Variants in CIB4 observed in about 807,000 individuals in gnomAD.
The protein encoded by CIB4 is calcium and integrin binding family member 4.
A neutral mutation model predicts 25.8 loss-of-function variants in CIB4; 25 were observed. The observed-to-expected ratio is 0.97, with a 90% CI of 0.71 to 1.35. The LOEUF is 1.35. CIB4 is among the 40% of genes most tolerant of loss of function. CIB4 has a pLI of 0.00. For missense variants in CIB4, 235 were observed against 228.2 expected (o/e 1.03, Z -0.19); for synonymous variants, 75 against 81.4 (o/e 0.92, Z 0.42).
chr2:26,616,842 G>A (rs143697260), intron 3 of CIB4, among the ~76,000 whole-genome samples: 63 of 152,288 alleles, frequency 4.1e-4, no homozygotes, highest in African/African-American at 1.4e-3. Flanking sequence ...TTATCTTCCC[G>A]AGAAGATGAA....
intron 4 of CIB4, among the ~76,000 whole-genome samples, chr2:26,593,951 G>A (rs1668634184): frequency 6.6e-6 from 1 of 152,204 alleles, no homozygotes; most frequent in South Asian, 2.1e-4. Context: ...TAGGGGCTGT[G>A]TGTGCCCCAA....
Position 26,595,030 on chromosome 2 carries a change from T to C in CIB4, c.328+146A>G, listed in dbSNP as rs1317702227. Reference sequence around the variant, plus strand: ...TCAATCTTTTTTTTTTATTCCATGGTACATGCAAAATATGACACAGACCCA... The same window carrying C: ...TCAATCTTTTTTTTTTATTCCATGGCACATGCAAAATATGACACAGACCCA... On this transcript the variant is annotated intron_variant, in intron 4 of 6. Transcript: ENST00000288861. 1.8e-5 allele frequency: 13 copies of C among 710,856 alleles called. No individual in the cohort carries two copies. In the East Asian group the frequency reaches 3.0e-4, roughly 17 times the overall value. The allele number at this position is 710,856 out of a possible 1,614,324, so 44.0% of individuals were successfully genotyped here.
Position 26,622,098 on chromosome 2 carries a change from C to G in CIB4, c.186+7312G>C, listed in dbSNP as rs139646623. 4.6e-3 allele frequency among the ~76,000 whole-genome samples: 702 copies of G among 152,300 alleles called. 5 individuals are homozygous for G. Among genetic ancestry groups the G allele is most frequent in the Non-Finnish European group, 8.2e-3 (559 of 68,016 alleles). ...CATTGAGGCCAGGCATGGTGGCTCA[C>G]GCCTGTAATCCCAGCATTTTGGGAG... On this transcript the variant is annotated intron_variant, in intron 3 of 6. Transcript: ENST00000288861.
At chr2:26,610,633 C>T (rs540813139) in intron 3 of CIB4, among the ~76,000 whole-genome samples, 4 of 152,326 alleles carry the variant, frequency 2.6e-5, no homozygotes, top group African/African-American at 7.2e-5. Flanking sequence ...CTGGGCACCA[C>T]ACCTTATCTA....
chr2:26,605,019 T>C (rs1668861600), intron 3 of CIB4, among the ~76,000 whole-genome samples: 1 of 152,180 alleles, frequency 6.6e-6, no homozygotes, highest in South Asian at 2.1e-4. Flanking sequence ...ATAGACCATA[T>C]TCAGGGTTAT....
intron 4 of CIB4, among the ~76,000 whole-genome samples, chr2:26,594,896 C>G (rs1225433627): frequency 6.6e-6 from 1 of 152,198 alleles, no homozygotes; most frequent in Non-Finnish European, 1.5e-5. Context: ...GTGATTCTCT[C>G]TCTCTCTCGC....
intron 5 of CIB4, among the ~76,000 whole-genome samples, chr2:26,583,480 A>G (rs1668390704): frequency 6.6e-6 from 1 of 152,122 alleles, no homozygotes; most frequent in African/African-American, 2.4e-5. Flanking sequence ...AGTCCCTGTC[A>G]TGTAGGGAGG....
chr2:26,602,092 T>C (rs758820219), intron 3 of CIB4, among the ~76,000 whole-genome samples: 1 of 152,216 alleles, frequency 6.6e-6, no homozygotes, highest in Non-Finnish European at 1.5e-5. Context: ...CCCATAGAAC[T>C]GTACACCACA....
Position 26,595,225 on chromosome 2 carries a change from G to A in CIB4, c.279C>T (p.Ser93=), listed in dbSNP as rs529350159. 1.2e-5 allele frequency: 20 copies of A among 1,614,072 alleles called. No homozygotes were observed. The highest frequency in any genetic ancestry group is 6.7e-5 in the African/African-American group (5 of 75,022). The change falls in exon 4 of 7, where the codon AGC becomes AGT. Residue 93 remains serine, a synonymous_variant. Transcript: ENST00000288861. ...TCTTCAGGCTTGGGCAGGCCTGCTCGCTGAACACAGATGCCATGCCCAGCA... is the reference window on the plus strand; with the variant it reads ...TCTTCAGGCTTGGGCAGGCCTGCTCACTGAACACAGATGCCATGCCCAGCA... ...EDVLGMASVF[S]EQACPSLKIE...
chr2:26,589,108 C>CTTCCTCTTCT lies in CIB4; in HGVS notation c.329-5211_329-5210insAGAAGAGGAA, dbSNP rs1668531650. On this transcript the variant is annotated intron_variant, in intron 4 of 6. Transcript: ENST00000288861. Reference sequence around the variant, plus strand: ...CTTCTTCTTCTTCTTCTTCTTCTTCCTCTTCTTCTTCTTCTTCTTCTTCTT... The same window carrying CTTCCTCTTCT: ...CTTCTTCTTCTTCTTCTTCTTCTTCCTTCCTCTTCTTCTTCTTCTTCTTCTTCTTCTTCTT... Among the ~76,000 whole-genome samples, 5 of 67,776 alleles carry CTTCCTCTTCT rather than the reference C, an allele frequency of 7.4e-5. 2 individuals carry two copies. Among genetic ancestry groups the CTTCCTCTTCT allele is most frequent in the Admixed American group, 6.9e-4 (4 of 5,774 alleles). The allele number at this position is 67,776 out of a possible 152,430, so 44.5% of individuals were successfully genotyped here. A position where few individuals can be genotyped will look rare whatever the true frequency, so the allele number is the denominator to read the frequency against.
chr2:26,590,254 T>G (rs1002702584), intron 4 of CIB4, among the ~76,000 whole-genome samples: 24 of 84,760 alleles, frequency 2.8e-4, no homozygotes, highest in Admixed American at 2.2e-4. Flanking sequence ...GGCCCAAGCA[T>G]CTGTAAAAAA....
rs1447319474 is a variant in CIB4, at chr2:26,629,425, G to A, written c.171C>T (p.Ser57=). 6.3e-7 allele frequency: 1 copy of A among 1,578,550 alleles called. No individual in the cohort carries two copies. The change falls in exon 3 of 7, where the codon TCC becomes TCT. Residue 57 remains serine (S), a synonymous_variant. Transcript: ENST00000288861. ...EATLTMDQVS[S]LPALRVNPFR... is the part of the protein sequence containing the mutation. ...CTGGACTCACCCGCAGAGCTGGCAGGGAGCTGACCTGGTCCATGGTGAGCG... is the reference window on the plus strand; with the variant it reads ...CTGGACTCACCCGCAGAGCTGGCAGAGAGCTGACCTGGTCCATGGTGAGCG...
At position 26,627,967 on chromosome 2, in the gene CIB4, AT is replaced by A. The variant is rs1210053663; in HGVS notation, c.186+1442del. Among the ~76,000 whole-genome samples the A allele has an allele frequency of 1.3e-5, 2 of 152,066 alleles. No homozygotes were observed. Among genetic ancestry groups the A allele is most frequent in the Non-Finnish European group, 2.9e-5 (2 of 68,016 alleles). ...AGGAGCCAGCCTCCTCCTCCCTGGT[AT>A]CCCCAGGCCTCTTCCAAGTGGTGGC... On this transcript the variant is annotated intron_variant, in intron 3 of 6. Transcript: ENST00000288861. The surrounding 1 kb of genome is among the most constrained non-coding windows in gnomAD (Gnocchi z 4.0).
chr2:26,587,221 G>A (rs1668474465), intron 4 of CIB4, among the ~76,000 whole-genome samples: 1 of 132,062 alleles, frequency 7.6e-6, no homozygotes, highest in African/African-American at 2.8e-5. Context: ...CAGGAGAATG[G>A]CATGAACCTG....
At chr2:26,628,471 G>A (rs909955723) in intron 3 of CIB4, among the ~76,000 whole-genome samples, 1 of 152,186 alleles carries the variant, frequency 6.6e-6, no homozygotes, top group Non-Finnish European at 1.5e-5. Flanking sequence ...TGTGTTTGTG[G>A]GGGGTGGGAG....
intron 6 of CIB4, among the ~76,000 whole-genome samples, chr2:26,582,486 A>T (rs1413891783): frequency 6.6e-6 from 1 of 152,028 alleles, no homozygotes; most frequent in Non-Finnish European, 1.5e-5. Flanking sequence ...CCTACCTCCC[A>T]GTTGGCCGCT....
chr2:26,641,275 G>T lies in CIB4; in HGVS notation c.40C>A (p.Leu14Met). 1.2e-6 allele frequency: 2 copies of T among 1,613,428 alleles called. No individual in the cohort carries two copies. The highest frequency in any genetic ancestry group is 1.7e-6 in the Non-Finnish European group (2 of 1,179,630). The part of the protein sequence containing the change: ...CLRYQMHWED[L>M]EEYQALTFLT... ...GATCTACCCACCTGGTACTCTTCCA[G>T]GTCCTCCCAGTGCATCTGATACCTC... The change falls in exon 1 of 7, where the codon CTG (leucine) becomes ATG (methionine). Residue 14 changes from leucine to methionine, a missense_variant. Transcript: ENST00000288861.
intron 4 of CIB4, among the ~76,000 whole-genome samples, chr2:26,589,042 T>TTCTTCC (rs1558554717): frequency 2.1e-5 from 1 of 47,432 alleles, no homozygotes; most frequent in African/African-American, 8.8e-5. Context: ...CTTCTTCTTC[T>TTCTTCC]TCTTCTTCTT....
intron 3 of CIB4, among the ~76,000 whole-genome samples, chr2:26,618,553 A>G (rs1217607749): frequency 6.6e-6 from 1 of 152,008 alleles, no homozygotes; most frequent in African/African-American, 2.4e-5. Flanking sequence ...TCCCACCTCG[A>G]CCTCCTAAAG....
Sources: gnomAD v4.1 joint callset for allele counts (sites outside exome capture counted in the v4.1 genomes callset) on GRCh38, gnomAD v4.1.1 for gene constraint, Gnocchi (gnomAD v3.1) non-coding constraint, MANE v1.5 for transcripts, NCBI Gene and HGNC (gene_info 2026-07-23, HGNC 2026-07-21) for gene names.